Variants in PPP6R3 observed in about 807,000 individuals in gnomAD.
The protein encoded by PPP6R3 is protein phosphatase 6 regulatory subunit 3.
Under a neutral mutation model 110.7 loss-of-function variants are expected in PPP6R3, and 38 were observed. The observed-to-expected ratio is 0.34, with a 90% CI of 0.26 to 0.45. PPP6R3 has a LOEUF of 0.45. Among genes scored for constraint, PPP6R3 ranks in the 20% least tolerant of loss-of-function variants. PPP6R3 has a pLI of 1.00. For synonymous variants in PPP6R3, 369 were observed against 373.5 expected (o/e 0.99, Z 0.14); for missense variants, 870 against 1,062.4 (o/e 0.82, Z 2.52).
chr11:68,551,858 T>G lies in PPP6R3; in HGVS notation c.618+672T>G, dbSNP rs925035789. ...TTGCATTTGTTTTATCCAGTCTGTT[T>G]ACAGCTTTGCAGGCAGTGAAGTGGG... On this transcript the variant is annotated intron_variant, in intron 6 of 23. Transcript: ENST00000393800. Among the ~76,000 whole-genome samples the G allele has an allele frequency of 2.6e-5, 4 of 152,210 alleles. No individual in the cohort carries two copies. The East Asian group carries it at 5.8e-4, about 22-fold the overall frequency.
chr11:68,572,043 C>T (rs1244199740), intron 12 of PPP6R3, among the ~76,000 whole-genome samples: 1 of 151,856 alleles, frequency 6.6e-6, no homozygotes, highest in African/African-American at 2.4e-5. Flanking sequence ...TTAATAAGCA[C>T]TGCTACTAGG....
rs1944440614 is a variant in PPP6R3 at position 68,613,213 on chromosome 11, GCACT to G, written c.*102_*105del. On this transcript the variant is annotated 3_prime_UTR_variant, in exon 24 of 24. Coordinates refer to ENST00000393800, the MANE Select transcript of PPP6R3 (RefSeq NM_001164161.2). ...TGGAGCCCACCAAGCTGTCACTGCT[GCACT>G]CACTCTGCAAGGGATCAGGACCAGC... The G allele has an allele frequency of 7.7e-6, 12 of 1,553,102 alleles. No homozygotes were observed. Among genetic ancestry groups the G allele is most frequent in the Admixed American group, 2.0e-5 (1 of 51,090 alleles).
At chr11:68,480,700 A>G (rs565815771) in intron 1 of PPP6R3, among the ~76,000 whole-genome samples, 2 of 152,176 alleles carry the variant, frequency 1.3e-5, no homozygotes, top group Non-Finnish European at 2.9e-5. Flanking sequence ...TGGTGTCTTG[A>G]TACGTCCAAA....
At chr11:68,479,794 A>G (rs2098889421) in intron 1 of PPP6R3, among the ~76,000 whole-genome samples, 1 of 151,800 alleles carries the variant, frequency 6.6e-6, no homozygotes, top group Non-Finnish European at 1.5e-5. Context: ...GCTGGAGTGC[A>G]GTGGTGCTAT....
chr11:68,479,819 G>C (rs951140469), intron 1 of PPP6R3, among the ~76,000 whole-genome samples: 1 of 151,596 alleles, frequency 6.6e-6, no homozygotes, highest in Non-Finnish European at 1.5e-5. Context: ...GCTCACTGTA[G>C]CCTCGGACAC....
At chr11:68,543,851 G>A (rs1159286826) in intron 3 of PPP6R3, among the ~76,000 whole-genome samples, 1 of 152,172 alleles carries the variant, frequency 6.6e-6, no homozygotes, top group Non-Finnish European at 1.5e-5. Context: ...TGTCATAGTA[G>A]GAGTAAGTGG....
chr11:68,536,248 C>A (rs2099270283), intron 2 of PPP6R3, among the ~76,000 whole-genome samples: 1 of 151,612 alleles, frequency 6.6e-6, no homozygotes, highest in Non-Finnish European at 1.5e-5. Context: ...TGTCTGATCT[C>A]CTAAAGTGGG....
intron 19 of PPP6R3, among the ~76,000 whole-genome samples, chr11:68,598,994 A>G (rs1426016412): frequency 1.3e-5 from 2 of 152,224 alleles, no homozygotes; most frequent in African/African-American, 2.4e-5. Flanking sequence ...GATCTTTGCT[A>G]AGTGAATAGT....
intron 1 of PPP6R3, among the ~76,000 whole-genome samples, chr11:68,501,484 A>G (rs1447465339): frequency 6.6e-6 from 1 of 151,998 alleles, no homozygotes; most frequent in East Asian, 1.9e-4. Context: ...GCACCACCAC[A>G]CCTGGCTGAT....
intron 22 of PPP6R3, among the ~76,000 whole-genome samples, chr11:68,605,087 C>G (rs1486989980): frequency 6.6e-6 from 1 of 152,160 alleles, no homozygotes; most frequent in East Asian, 1.9e-4. Flanking sequence ...CACCTGTAAT[C>G]CCAGCACTTT....
At chr11:68,591,086 G>A (rs1175913786) in intron 17 of PPP6R3, among the ~76,000 whole-genome samples, 1 of 152,142 alleles carries the variant, frequency 6.6e-6, no homozygotes, top group Non-Finnish European at 1.5e-5. Context: ...TGGAAACACC[G>A]AGACAGTCGT....
chr11:68,539,637 G>A (rs1283992668), intron 3 of PPP6R3, among the ~76,000 whole-genome samples: 2 of 152,184 alleles, frequency 1.3e-5, no homozygotes, highest in Non-Finnish European at 2.9e-5. Context: ...TTTTTCAGCT[G>A]GGATCTGAAA....
At chr11:68,590,318 G>A (rs896079340) in intron 16 of PPP6R3, among the ~76,000 whole-genome samples, 1 of 152,044 alleles carries the variant, frequency 6.6e-6, no homozygotes, top group African/African-American at 2.4e-5. Context: ...GTTTTGACTT[G>A]GTTCTTTGCA....
intron 4 of PPP6R3, among the ~76,000 whole-genome samples, chr11:68,547,725 CTG>C (rs1332842641): frequency 6.6e-6 from 1 of 152,090 alleles, no homozygotes; most frequent in Non-Finnish European, 1.5e-5. Flanking sequence ...TGTTCATAAA[CTG>C]TAAAATGGTA....
At chr11:68,541,395 G>C (rs1395759019) in intron 3 of PPP6R3, among the ~76,000 whole-genome samples, 1 of 152,204 alleles carries the variant, frequency 6.6e-6, no homozygotes, top group African/African-American at 2.4e-5. Flanking sequence ...GAAGCGGTCA[G>C]ATTTCCAGAG....
At chr11:68,476,247 G>A (rs1261628879) in intron 1 of PPP6R3, among the ~76,000 whole-genome samples, 5 of 152,168 alleles carry the variant, frequency 3.3e-5, no homozygotes, top group South Asian at 2.1e-4. Context: ...GATCACTCGC[G>A]GTTAGGAGCT....
chr11:68,512,068 A>C (rs2099113656), intron 1 of PPP6R3, among the ~76,000 whole-genome samples: 1 of 152,178 alleles, frequency 6.6e-6, no homozygotes, highest in African/African-American at 2.4e-5. Flanking sequence ...TATAGGAGCT[A>C]GACCTGTTGA....
At chr11:68,560,776 G>A (rs2099416023) in intron 8 of PPP6R3, among the ~76,000 whole-genome samples, 1 of 152,040 alleles carries the variant, frequency 6.6e-6, no homozygotes, top group Non-Finnish European at 1.5e-5. Flanking sequence ...TTGGTTCTAG[G>A]ACTCCCATGC....
intron 1 of PPP6R3, among the ~76,000 whole-genome samples, chr11:68,478,095 A>ACC (rs1027273848): frequency 6.6e-6 from 1 of 151,556 alleles, no homozygotes; most frequent in Non-Finnish European, 1.5e-5. Context: ...GATTACAGGC[A>ACC]CCCGCCACCA....
Sources: allele counts gnomAD v4.1 joint callset (sites outside exome capture counted in the v4.1 genomes callset), GRCh38; gene constraint gnomAD v4.1.1; transcripts MANE v1.5; gene names NCBI Gene and HGNC (gene_info 2026-07-23, HGNC 2026-07-21).